Variants in OOSP3 observed in about 807,000 individuals in gnomAD.
OOSP3 encodes oocyte secreted protein family member 3.
exon 1 of OOSP3, chr11:59,878,853 G>A (rs376370547): frequency 5.0e-6 from 2 of 398,442 alleles, no homozygotes; most frequent in African/African-American, 2.1e-5. Flanking sequence ...TTTTGTGCAC[G>A]ATTTTGACTC....
At chr11:59,891,909 G>T (rs1853315885) in intron 2 of OOSP3, among the ~76,000 whole-genome samples, 1 of 152,326 alleles carries the variant, frequency 6.6e-6, no homozygotes, top group Non-Finnish European at 1.5e-5. Context: ...CTGGCCAGTG[G>T]GGAATCCAAG....
chr11:59,894,281 G>T (rs1853337359), intron 3 of OOSP3, 105 bp downstream of exon 3: 5 of 394,766 alleles, frequency 1.3e-5, no homozygotes, highest in Non-Finnish European at 2.2e-5. Context: ...CTAGAGCGAG[G>T]TTGGTTTGCA....
Position 59,881,729 on chromosome 11 carries a change from T to C in OOSP3, c.252+1290T>C, listed in dbSNP as rs147293874. Among the ~76,000 whole-genome samples, 6 of 152,130 alleles carry C rather than the reference T, an allele frequency of 3.9e-5. No individual in the cohort carries two copies. In the East Asian group the frequency reaches 1.2e-3, roughly 30 times the overall value. On this transcript the variant is annotated intron_variant, in intron 2 of 4. Coordinates refer to ENST00000646438, the Ensembl canonical transcript of OOSP3. ...CCTGTCTCTACTAAACATACAAAAATTAGCCTAGTGGCCACCTGTAATCTC... is the reference window on the plus strand; with the variant it reads ...CCTGTCTCTACTAAACATACAAAAACTAGCCTAGTGGCCACCTGTAATCTC...
chr11:59,892,283 T>A (rs1002452234), intron 2 of OOSP3, among the ~76,000 whole-genome samples: 3 of 152,162 alleles, frequency 2.0e-5, no homozygotes, highest in Admixed American at 1.3e-4. Flanking sequence ...ACGGCCCTTT[T>A]CCTTGTGCAG....
intron 2 of OOSP3, among the ~76,000 whole-genome samples, chr11:59,892,381 G>A (rs1853320014): frequency 6.6e-6 from 1 of 151,806 alleles, no homozygotes; most frequent in Non-Finnish European, 1.5e-5. Context: ...AAGAGAATCT[G>A]GGTACCTCAG....
At chr11:59,884,471 GTCTGTCTC>G (rs1185229065) in intron 2 of OOSP3, among the ~76,000 whole-genome samples, 126 of 100,092 alleles carry the variant, frequency 1.3e-3, no homozygotes, top group Middle Eastern at 5.0e-3. Flanking sequence ...CTGTCTGTCT[GTCTGTCTC>G]TCTCTCTCTC....
intron 2 of OOSP3, among the ~76,000 whole-genome samples, chr11:59,884,467 G>GTCTCTC (rs1853231950): frequency 1.6e-5 from 2 of 121,870 alleles, no homozygotes; most frequent in Admixed American, 9.3e-5. Flanking sequence ...CTGTCTGTCT[G>GTCTCTC]TCTGTCTGTC....
chr11:59,885,067 A>G (rs544672789), intron 2 of OOSP3, among the ~76,000 whole-genome samples: 1 of 151,974 alleles, frequency 6.6e-6, no homozygotes, highest in East Asian at 1.9e-4. Context: ...GGTTGTGGAG[A>G]GTTTTTATCA....
intron 2 of OOSP3, among the ~76,000 whole-genome samples, chr11:59,884,316 T>C (rs1425339790): frequency 1.3e-5 from 2 of 152,190 alleles, no homozygotes; most frequent in Non-Finnish European, 2.9e-5. Flanking sequence ...TCATTGCTAG[T>C]GTACAGAAAT....
Position 59,895,486 on chromosome 11 carries a change from T to C in OOSP3, c.351-16T>C. ...GTAATCTGATGTGCAAATTGTGTCT[T>C]CTTTAAAACTTTCAGCTCATCTTTG... On this transcript the variant is annotated splice_polypyrimidine_tract_variant and intron_variant, in intron 3 of 4. Transcript: ENST00000646438. 2.5e-6 allele frequency: 1 copy of C among 398,316 alleles called. No individual in the cohort carries two copies. The highest frequency in any genetic ancestry group is 4.4e-6 in the Non-Finnish European group (1 of 225,840). 24.7% of individuals were successfully genotyped at this position (398,316 alleles called of 1,614,324 possible).
intron 1 of OOSP3, 26 bp downstream of exon 1, chr11:59,878,907 G>GT (rs1853176956): frequency 5.0e-6 from 2 of 398,282 alleles, no homozygotes; most frequent in South Asian, 2.5e-4. Flanking sequence ...ATATTTTGTT[G>GT]TTTGAAGTCA....
intron 2 of OOSP3, among the ~76,000 whole-genome samples, chr11:59,890,915 C>T (rs1314212778): frequency 2.6e-5 from 4 of 152,180 alleles, no homozygotes. Flanking sequence ...GTACTCCAAT[C>T]ACTCATAGGT....
chr11:59,885,059 T>C (rs574086294), intron 2 of OOSP3, among the ~76,000 whole-genome samples: 12 of 152,306 alleles, frequency 7.9e-5, no homozygotes, highest in African/African-American at 2.9e-4. Flanking sequence ...TTATCTTTGG[T>C]TGTGGAGAGT....
At chr11:59,884,492 T>A (rs1853234571) in intron 2 of OOSP3, among the ~76,000 whole-genome samples, 1 of 145,788 alleles carries the variant, frequency 6.9e-6, no homozygotes, top group Non-Finnish European at 1.5e-5. Context: ...TCTCTCTCTC[T>A]CTCTCTCTCT....
rs1333336660 is a variant in OOSP3, at chr11:59,884,623, C to T, written c.252+4184C>T. ...CAAGCAATTCTGCTGCCTCAAGGCT[C>T]CCAAGTAGCTGGGACTACAGGTGTG... On this transcript the variant is annotated intron_variant, in intron 2 of 4. Coordinates refer to ENST00000646438, the Ensembl canonical transcript of OOSP3. Among the ~76,000 whole-genome samples the T allele has an allele frequency of 2.6e-5, 4 of 151,882 alleles. No homozygotes were observed. The East Asian group carries it at 7.7e-4, about 29-fold the overall frequency.
chr11:59,882,990 A>AT (rs1007618292), intron 2 of OOSP3, among the ~76,000 whole-genome samples: 1 of 151,974 alleles, frequency 6.6e-6, no homozygotes, highest in African/African-American at 2.4e-5. Flanking sequence ...AATTGTTTTC[A>AT]TTTTTTGTTA....
intron 2 of OOSP3, among the ~76,000 whole-genome samples, chr11:59,891,857 C>G (rs1234098890): frequency 1.3e-5 from 2 of 152,224 alleles, no homozygotes; most frequent in African/African-American, 2.4e-5. Context: ...GGCCCCTCCC[C>G]CCAGGAACTC....
At chr11:59,882,819 C>T (rs1451800964) in intron 2 of OOSP3, among the ~76,000 whole-genome samples, 1 of 152,144 alleles carries the variant, frequency 6.6e-6, no homozygotes, top group Non-Finnish European at 1.5e-5. Context: ...TTATAGGCAA[C>T]CACAAGTCTA....
At chr11:59,895,771 T>A in intron 4 of OOSP3, 119 bp downstream of exon 4, 1 of 396,904 alleles carries the variant, frequency 2.5e-6, no homozygotes, top group Non-Finnish European at 4.4e-6. Flanking sequence ...TAAATAGTGT[T>A]TAACTACATG....
Sources: gnomAD v4.1 joint callset for allele counts (sites outside exome capture counted in the v4.1 genomes callset) on GRCh38, gnomAD v4.1.1 for gene constraint, MANE v1.5 for transcripts, NCBI Gene and HGNC (gene_info 2026-07-23, HGNC 2026-07-21) for gene names.